The following DACH2 variants were observed in gnomAD, a reference collection of about 807,000 sequenced individuals.
The protein encoded by DACH2 is dachshund family transcription factor 2.
In DACH2, 17 loss-of-function variants were observed where a neutral mutation model predicts 35.8. The ratio of observed to expected loss-of-function variants is 0.48; its 90% confidence interval spans 0.33 to 0.71. DACH2 has a LOEUF of 0.71. Ranked by LOEUF, DACH2 falls within the 30% of genes least tolerant of loss-of-function variation. The pLI, the probability that DACH2 is intolerant of heterozygous loss-of-function variation, is 0.02. For missense variants in DACH2, 469 were observed against 472.7 expected (o/e 0.99, Z 0.07); for synonymous variants, 195 against 177.3 (o/e 1.10, Z -0.79).
intron 3 of DACH2, among the ~76,000 whole-genome samples, chrX:86,644,495 C>T (rs889622438): frequency 8.1e-5 from 9 of 111,086 alleles, no homozygotes; most frequent in Non-Finnish European, 1.5e-4. Context: ...GCTAGACTGC[C>T]CAAAGCAATG....
chrX:86,209,972 A>G (rs1218820353), intron 1 of DACH2, among the ~76,000 whole-genome samples: 5 of 111,848 alleles, frequency 4.5e-5, no homozygotes, highest in African/African-American at 1.6e-4. Flanking sequence ...AAGAAAAAAA[A>G]TCATTAGAAA....
chrX:86,560,453 C>A (rs773666709), intron 3 of DACH2, among the ~76,000 whole-genome samples: 2 of 101,681 alleles, frequency 2.0e-5, no homozygotes, highest in Non-Finnish European at 4.0e-5. Context: ...ATCTTTGTGG[C>A]GTTCTCTGTA....
chrX:86,537,150 A>G (rs2038813824), intron 3 of DACH2, among the ~76,000 whole-genome samples: 1 of 111,561 alleles, frequency 9.0e-6, no homozygotes, highest in African/African-American at 3.3e-5. Flanking sequence ...TAGGCTGCCA[A>G]TGTTTCTAGC....
chrX:86,580,362 A>G (rs1415786228), intron 3 of DACH2, among the ~76,000 whole-genome samples: 1 of 111,665 alleles, frequency 9.0e-6, no homozygotes, highest in African/African-American at 3.3e-5. Flanking sequence ...TAGTTCCTGA[A>G]CTAGTATTGA....
At chrX:86,305,410 A>G (rs1050142437) in intron 1 of DACH2, among the ~76,000 whole-genome samples, 1 of 111,877 alleles carries the variant, frequency 8.9e-6, no homozygotes, top group Non-Finnish European at 1.9e-5. Flanking sequence ...GTTCTTGCCT[A>G]GAAAAAAAAA....
At chrX:86,804,053 C>T (rs2042319667) in intron 7 of DACH2, among the ~76,000 whole-genome samples, 1 of 111,786 alleles carries the variant, frequency 8.9e-6, no homozygotes, top group Non-Finnish European at 1.9e-5. Context: ...GTTTGAATAT[C>T]GCTTATCTGG....
Position 86,813,011 on chromosome X carries a change from A to T in DACH2, c.1389+7A>T. On this transcript the variant is annotated splice_region_variant and intron_variant, in intron 8 of 11. Transcript: ENST00000373125. ...TCTGTTGACCAACATTCAGGTCAAC[A>T]ATATTTCTATAAACAAAATAAATGT... is the stretch of plus-strand genomic sequence containing the variant. 8.5e-7 allele frequency: 1 copy of T among 1,179,697 alleles called. No individual in the cohort carries two copies. Among genetic ancestry groups the T allele is most frequent in the Middle Eastern group, 2.3e-4 (1 of 4,277 alleles).
chrX:86,296,297 C>T (rs1025902716), intron 1 of DACH2, among the ~76,000 whole-genome samples: 1 of 97,485 alleles, frequency 1.0e-5, no homozygotes, highest in African/African-American at 3.8e-5. Flanking sequence ...AGGAGAATGG[C>T]GTGAACCCTG....
chrX:86,606,944 T>C (rs1401292462), intron 3 of DACH2, among the ~76,000 whole-genome samples: 1 of 112,123 alleles, frequency 8.9e-6, no homozygotes, highest in Non-Finnish European at 1.9e-5. Context: ...TATCATCATA[T>C]AGTGACCTCG....
intron 2 of DACH2, among the ~76,000 whole-genome samples, chrX:86,454,365 T>C (rs140577209): frequency 0.018 from 1,964 of 111,509 alleles, 23 homozygotes; most frequent in Non-Finnish European, 0.028. Context: ...TATTCTGGAG[T>C]ATGTTTTCCA....
At chrX:86,216,391 A>G (rs756102437) in intron 1 of DACH2, among the ~76,000 whole-genome samples, 2 of 82,511 alleles carry the variant, frequency 2.4e-5, no homozygotes, top group Admixed American at 3.1e-4. Flanking sequence ...CCGGTGTGTG[A>G]TGTTCCCCGC....
At chrX:86,733,169 G>A (rs995538402) in intron 6 of DACH2, among the ~76,000 whole-genome samples, 11 of 111,740 alleles carry the variant, frequency 9.8e-5, no homozygotes, top group East Asian at 2.8e-4. Flanking sequence ...AACGTGGTGC[G>A]TTAGGCAGTC....
chrX:86,221,096 G>A (rs191016778), intron 1 of DACH2, among the ~76,000 whole-genome samples: 1,209 of 110,962 alleles, frequency 0.011, 23 homozygotes, highest in African/African-American at 0.038. Flanking sequence ...TGTTTTTGTT[G>A]CCTGTGCTTT....
chrX:86,824,369 C>T (rs906184822), intron 11 of DACH2, among the ~76,000 whole-genome samples: 2 of 111,762 alleles, frequency 1.8e-5, no homozygotes, highest in Admixed American at 1.9e-4. Context: ...GGTAGTCAGA[C>T]CTTATGGTTG....
intron 4 of DACH2, among the ~76,000 whole-genome samples, chrX:86,673,059 G>C (rs759902651): frequency 2.7e-5 from 3 of 111,615 alleles, no homozygotes; most frequent in African/African-American, 9.8e-5. Flanking sequence ...TTTTAGGCCA[G>C]GTGTGGTGGC....
intron 2 of DACH2, among the ~76,000 whole-genome samples, chrX:86,449,626 T>G (rs1213010245): frequency 2.8e-5 from 3 of 105,435 alleles, no homozygotes; most frequent in African/African-American, 1.2e-4. Context: ...GTAGTTTATT[T>G]TGATTTCTTG....
intron 7 of DACH2, among the ~76,000 whole-genome samples, chrX:86,764,819 G>A (rs2147287691): frequency 8.9e-6 from 1 of 112,189 alleles, no homozygotes; most frequent in African/African-American, 3.2e-5. Flanking sequence ...GCCTTCCACA[G>A]TGGCTGAACT....
At chrX:86,588,965 T>A (rs1418146571) in intron 3 of DACH2, among the ~76,000 whole-genome samples, 1 of 111,761 alleles carries the variant, frequency 8.9e-6, no homozygotes, top group Non-Finnish European at 1.9e-5. Flanking sequence ...TGTTTACAGC[T>A]TTTACCCATT....
chrX:86,339,060 TGAGGCA>T (rs2035368731), intron 1 of DACH2, among the ~76,000 whole-genome samples: 2 of 111,565 alleles, frequency 1.8e-5, no homozygotes, highest in Admixed American at 9.5e-5. Context: ...GTACTGAAAT[TGAGGCA>T]GTAATTAATA....
Sources: allele counts gnomAD v4.1 joint callset (sites outside exome capture counted in the v4.1 genomes callset), GRCh38; gene constraint gnomAD v4.1.1; transcripts MANE v1.5; gene names NCBI Gene and HGNC (gene_info 2026-07-23, HGNC 2026-07-21).